Variants in CC2D2A observed in about 807,000 individuals in gnomAD.
The protein encoded by CC2D2A is coiled-coil and C2 domain-containing protein 2A.
Under a neutral mutation model 212.9 loss-of-function variants are expected in CC2D2A, and 155 were observed. The ratio of observed to expected loss-of-function variants is 0.73; its 90% CI spans 0.64 to 0.83. The LOEUF is 0.83. Among genes scored for constraint, CC2D2A ranks in the 40% least tolerant of loss-of-function variants. The probability of loss-of-function intolerance (pLI) is 0.00; values close to 1 mark genes in which losing one functional copy is unlikely to be tolerated. For missense variants in CC2D2A, 1,856 were observed against 1,956.2 expected (o/e 0.95, Z 0.97); for synonymous variants, 667 against 686.5 (o/e 0.97, Z 0.44).
At chr4:15,514,601 T>TA in intron 8 of CC2D2A, 106 bp from the exon 9 acceptor site, 1 of 860,650 alleles carries the variant, frequency 1.2e-6, no homozygotes, top group East Asian at 2.8e-5. Context: ...AAGGAAAAGA[T>TA]AAAGTTGTAG....
chr4:15,480,839 T>G lies in CC2D2A; in HGVS notation c.247+12T>G, dbSNP rs752745536. 2.5e-6 allele frequency: 4 copies of G among 1,608,960 alleles called. No homozygotes were observed. The East Asian group carries it at 8.9e-5, about 36-fold the overall frequency. On this transcript the variant is annotated intron_variant, in intron 4 of 36. Coordinates refer to ENST00000424120, the MANE Select transcript of CC2D2A (RefSeq NM_001378615.1). ...GAGAGGCCCACGGAGTAAGTGCCCCTCTTCCATTCAGCTACTGCTTGTTAA... is the reference window on the plus strand; with the variant it reads ...GAGAGGCCCACGGAGTAAGTGCCCCGCTTCCATTCAGCTACTGCTTGTTAA...
At chr4:15,560,918 C>T (rs1031189476) in intron 23 of CC2D2A, among the ~76,000 whole-genome samples, 1 of 152,134 alleles carries the variant, frequency 6.6e-6, no homozygotes, top group Non-Finnish European at 1.5e-5. Flanking sequence ...TGAACTAAAC[C>T]TGACAGCATT....
intron 33 of CC2D2A, among the ~76,000 whole-genome samples, chr4:15,590,100 T>C (rs372657906): frequency 3.9e-5 from 6 of 152,234 alleles, no homozygotes; most frequent in Non-Finnish European, 8.8e-5. Flanking sequence ...TCTTTCTTTT[T>C]TCAAAGGAGA....
intron 23 of CC2D2A, among the ~76,000 whole-genome samples, chr4:15,561,374 A>C (rs1719590441): frequency 6.6e-6 from 1 of 152,166 alleles, no homozygotes; most frequent in African/African-American, 2.4e-5. Context: ...GAGACAAAAA[A>C]AATGTGCAAT....
At chr4:15,486,707 T>A (rs1715020833) in intron 4 of CC2D2A, among the ~76,000 whole-genome samples, 1 of 152,030 alleles carries the variant, frequency 6.6e-6, no homozygotes, top group African/African-American at 2.4e-5. Context: ...AGTTTTGATG[T>A]GCTTTTGATT....
chr4:15,530,440 T>G (rs1017815440), intron 13 of CC2D2A, among the ~76,000 whole-genome samples: 1 of 152,186 alleles, frequency 6.6e-6, no homozygotes, highest in Non-Finnish European at 1.5e-5. Context: ...TGCAGTCTCC[T>G]TGTGAGAATA....
chr4:15,583,983 C>T (rs1720759535), intron 30 of CC2D2A, among the ~76,000 whole-genome samples: 1 of 149,150 alleles, frequency 6.7e-6, no homozygotes, highest in Non-Finnish European at 1.5e-5. Flanking sequence ...AAGAAAATTA[C>T]AAACACTGAT....
In CC2D2A at chr4:15,547,646, A is replaced by C. The variant is rs79805198; in HGVS notation, c.2182-3178A>C. Among the ~76,000 whole-genome samples the C allele has an allele frequency of 8.5e-3, 1,290 of 152,312 alleles. 13 individuals are homozygous for C. Among genetic ancestry groups the C allele is most frequent in the African/African-American group, 0.03 (1,231 of 41,568 alleles). The stretch of plus-strand genomic sequence containing the variant: ...CTCAGCATCGTTGAGAGAAAACAAA[A>C]ATGAAACTAAATTATACAGAGATCT... On this transcript the variant is annotated intron_variant, in intron 17 of 36. Coordinates refer to ENST00000424120, the MANE Select transcript of CC2D2A (RefSeq NM_001378615.1).
intron 26 of CC2D2A, 115 bp from the exon 27 acceptor site, chr4:15,569,177 CT>C: frequency 1.6e-6 from 1 of 637,788 alleles, no homozygotes; most frequent in Non-Finnish European, 2.8e-6. Context: ...GAAAGCAATG[CT>C]TTTAATTCTA....
At chr4:15,476,781 T>C (rs1042923271) in intron 2 of CC2D2A, among the ~76,000 whole-genome samples, 1 of 152,162 alleles carries the variant, frequency 6.6e-6, no homozygotes, top group Non-Finnish European at 1.5e-5. Flanking sequence ...TCATTGTATG[T>C]AAAAACTCAT....
chr4:15,502,180 C>T (rs1323482506), intron 4 of CC2D2A, among the ~76,000 whole-genome samples: 1 of 152,196 alleles, frequency 6.6e-6, no homozygotes, highest in Non-Finnish European at 1.5e-5. Context: ...CTAGGCAGGA[C>T]TGAGGTTTTG....
chr4:15,502,774 C>T (rs774004834), intron 5 of CC2D2A, 48 bp from the exon 6 acceptor site: 14 of 1,467,830 alleles, frequency 9.5e-6, no homozygotes, highest in South Asian at 7.3e-5. Context: ...GATTATTTCT[C>T]GGCATTCCTG....
intron 28 of CC2D2A, among the ~76,000 whole-genome samples, chr4:15,572,688 G>GAT (rs1048873386): frequency 9.7e-4 from 147 of 151,696 alleles, no homozygotes; most frequent in African/African-American, 3.0e-3. Flanking sequence ...TAATAGGATA[G>GAT]ATATATATAT....
rs1719706126 is a variant in CC2D2A at position 15,563,310 on chromosome 4, A to T, written c.3015-45A>T. 3 of 1,528,272 alleles carry T rather than the reference A, an allele frequency of 2.0e-6. No homozygotes were observed. In the South Asian group the frequency reaches 3.8e-5, roughly 19 times the overall value. The allele number at this position is 1,528,272 out of a possible 1,614,324, so 94.7% of individuals were successfully genotyped here. On this transcript the variant is annotated intron_variant, in intron 23 of 36. Coordinates refer to ENST00000424120, the MANE Select transcript of CC2D2A (RefSeq NM_001378615.1). Reference sequence around the variant, plus strand: ...GGGAAGTCGTCTCACAATTTTGCAGACCTTTCTTTTTCTTAGAGTCCTGAT... The same window carrying T: ...GGGAAGTCGTCTCACAATTTTGCAGTCCTTTCTTTTTCTTAGAGTCCTGAT...
chr4:15,566,885 G>A (rs1459579955), intron 24 of CC2D2A, among the ~76,000 whole-genome samples: 1 of 152,152 alleles, frequency 6.6e-6, no homozygotes, highest in African/African-American at 2.4e-5. Context: ...TGAAGTGGGA[G>A]GATCGCTTGA....
intron 11 of CC2D2A, among the ~76,000 whole-genome samples, chr4:15,517,284 G>C (rs915529743): frequency 2.6e-5 from 4 of 152,106 alleles, no homozygotes; most frequent in Non-Finnish European, 4.4e-5. Flanking sequence ...GAGTTTCCTA[G>C]CTAGGAATGA....
intron 11 of CC2D2A, chr4:15,519,709 C>A (rs764736334): frequency 2.3e-6 from 1 of 426,102 alleles, no homozygotes; most frequent in South Asian, 1.8e-5. Flanking sequence ...AAAAAGAGAG[C>A]TTGTGCAGGG....
chr4:15,521,020 G>A (rs957974208), intron 11 of CC2D2A, among the ~76,000 whole-genome samples: 5 of 152,076 alleles, frequency 3.3e-5, no homozygotes, highest in African/African-American at 1.2e-4. Context: ...TATCATACAA[G>A]CAGAAATAGG....
At chr4:15,523,259 T>G (rs1390249063) in intron 11 of CC2D2A, among the ~76,000 whole-genome samples, 1 of 152,184 alleles carries the variant, frequency 6.6e-6, no homozygotes, top group Non-Finnish European at 1.5e-5. Context: ...TCTACTATAT[T>G]CTTAGCTGTG....
Sources: gnomAD v4.1 joint callset for allele counts (sites outside exome capture counted in the v4.1 genomes callset) on GRCh38, gnomAD v4.1.1 for gene constraint, MANE v1.5 for transcripts, NCBI Gene and HGNC (gene_info 2026-07-23, HGNC 2026-07-21) for gene names.